Variants in STK38 observed in about 807,000 individuals in gnomAD.
STK38 encodes the protein serine/threonine-protein kinase 38.
Under a neutral mutation model 59.0 loss-of-function variants are expected in STK38, and 26 were observed. The observed-to-expected ratio is 0.44, with a 90% confidence interval of 0.32 to 0.61. The LOEUF (loss-of-function observed/expected upper bound fraction) is 0.61, where lower values mean the gene tolerates loss of function less well. Among genes scored for constraint, STK38 ranks in the 20% least tolerant of loss-of-function variants. The pLI is 0.04. For synonymous variants in STK38, 175 were observed against 176.6 expected (o/e 0.99, Z 0.07); for missense variants, 433 against 566.0 (o/e 0.76, Z 2.38).
chr6:36,534,168 T>G (rs114530128), intron 2 of STK38, among the ~76,000 whole-genome samples: 5,293 of 152,024 alleles, frequency 0.035, 115 homozygotes, highest in African/African-American at 0.055. Context: ...AATCAGTCCA[T>G]GTAACTCACC....
At chr6:36,527,207 A>AAAAAAAAAAAAATATATAT (rs60162863) in intron 2 of STK38, among the ~76,000 whole-genome samples, 11 of 119,352 alleles carry the variant, frequency 9.2e-5, no homozygotes, top group African/African-American at 3.9e-4. Flanking sequence ...AAAAAAAAAA[A>AAAAAAAAAAAAATATATAT]ATATATGTAT....
At chr6:36,533,794 G>T (rs1156286746) in intron 2 of STK38, among the ~76,000 whole-genome samples, 1 of 152,130 alleles carries the variant, frequency 6.6e-6, no homozygotes, top group African/African-American at 2.4e-5. Context: ...ATGATTTCAA[G>T]AAGTGACTGT....
In STK38 at chr6:36,524,407, C is replaced by T. The variant is rs1322488179; in HGVS notation, c.240G>A (p.Lys80=). 3.1e-6 allele frequency: 5 copies of T among 1,613,318 alleles called. No homozygotes were observed. Among genetic ancestry groups the T allele is most frequent in the Non-Finnish European group, 4.2e-6 (5 of 1,179,808 alleles). The change falls in exon 4 of 14, where the codon AAG becomes AAA. Residue 80 remains lysine (K), a synonymous_variant. Transcript: ENST00000229812. ...AATCTTCCAATCCAAGTCTTGTTCT[C>T]TTCAAACGAAGAAACTCTGTTTCCT... is the stretch of plus-strand genomic sequence containing the variant. The part of the protein sequence containing the change: ...ARKETEFLRL[K]RTRLGLEDFE...
intron 9 of STK38, among the ~76,000 whole-genome samples, chr6:36,501,295 C>T (rs1384921548): frequency 6.6e-6 from 1 of 152,006 alleles, no homozygotes; most frequent in Admixed American, 6.6e-5. Flanking sequence ...CTCTAACATA[C>T]CAGGACTGCA....
At chr6:36,527,239 T>TATGTAA (rs1777546893) in intron 2 of STK38, among the ~76,000 whole-genome samples, 1 of 144,840 alleles carries the variant, frequency 6.9e-6, no homozygotes, top group African/African-American at 2.5e-5. Flanking sequence ...TTTATATGTA[T>TATGTAA]ATACACATGT....
chr6:36,526,225 T>G (rs1018260871), intron 2 of STK38, among the ~76,000 whole-genome samples: 1 of 88,290 alleles, frequency 1.1e-5, no homozygotes. Context: ...TGGGTGTTTT[T>G]TTTTTTTTTT....
chr6:36,509,009 A>C (rs1375683282), intron 7 of STK38, among the ~76,000 whole-genome samples: 2 of 151,994 alleles, frequency 1.3e-5, no homozygotes, highest in Non-Finnish European at 2.9e-5. Flanking sequence ...TGGCTCAGGA[A>C]GCCCCTAAGT....
At chr6:36,496,874 C>T (rs1003263327) in intron 12 of STK38, 69 bp from the exon 13 acceptor site, 1 of 1,195,152 alleles carries the variant, frequency 8.4e-7, no homozygotes, top group Non-Finnish European at 1.2e-6. Context: ...TCAAGTCTTT[C>T]TCCAAAAAAG....
intron 2 of STK38, among the ~76,000 whole-genome samples, chr6:36,534,117 G>A (rs1020919304): frequency 6.6e-6 from 1 of 151,922 alleles, no homozygotes; most frequent in African/African-American, 2.4e-5. Flanking sequence ...GTCATCAAGA[G>A]GGTTTTACCC....
chr6:36,498,330 T>C, intron 11 of STK38, 33 bp downstream of exon 11: 1 of 1,580,714 alleles, frequency 6.3e-7, no homozygotes. Flanking sequence ...ATTAAAAAGC[T>C]GAGAAAGAAG....
intron 10 of STK38, 46 bp from the exon 11 acceptor site, chr6:36,498,532 G>C (rs753102719): frequency 6.4e-7 from 1 of 1,571,330 alleles, no homozygotes; most frequent in Non-Finnish European, 8.6e-7. Context: ...CCAGAACTTT[G>C]AATCTGACCG....
At chr6:36,499,549 G>A (rs561288573) in intron 10 of STK38, among the ~76,000 whole-genome samples, 25 of 152,300 alleles carry the variant, frequency 1.6e-4, no homozygotes, top group African/African-American at 6.0e-4. Context: ...GGAAAGTGAG[G>A]CAATGCCCAG....
At chr6:36,498,856 G>T (rs1776770212) in intron 10 of STK38, among the ~76,000 whole-genome samples, 1 of 152,104 alleles carries the variant, frequency 6.6e-6, no homozygotes, top group Non-Finnish European at 1.5e-5. Flanking sequence ...CTCCCAAAGT[G>T]CTGGGATTAC....
chr6:36,524,463 T>C lies in STK38; in HGVS notation c.184A>G (p.Lys62Glu). 4 of 1,589,160 alleles carry C rather than the reference T, an allele frequency of 2.5e-6. No individual in the cohort carries two copies. Among genetic ancestry groups the C allele is most frequent in the Non-Finnish European group, 3.4e-6 (4 of 1,173,074 alleles). The part of the protein sequence containing the change: ...MEEEGLKDEE[K>E]RLRRSAHARK... ...GCATGTGCTGATCTCCGGAGTCGTTTCTAATATTTAAATAAAAAAGGGAGG... is the reference window on the plus strand; with the variant it reads ...GCATGTGCTGATCTCCGGAGTCGTTCCTAATATTTAAATAAAAAAGGGAGG... Residue 62 changes from lysine (K) to glutamate (E), a missense_variant and splice_region_variant, in exon 4 of 14, where the codon AAA becomes GAA. By Grantham distance (56) the Lys-to-Glu change is moderately conservative. This residue lies in a region of STK38 where 293 missense variants were observed against 388.2 expected (regional missense o/e 0.75). Transcript: ENST00000229812.
chr6:36,516,773 C>G (rs1777264982), intron 6 of STK38, among the ~76,000 whole-genome samples: 1 of 152,134 alleles, frequency 6.6e-6, no homozygotes, highest in Non-Finnish European at 1.5e-5. Flanking sequence ...AGAGCTCAGG[C>G]CAGATGCTCT....
At chr6:36,524,634 T>G (rs1777467307) in intron 3 of STK38, among the ~76,000 whole-genome samples, 171 bp from the exon 4 acceptor site, 1 of 152,188 alleles carries the variant, frequency 6.6e-6, no homozygotes, top group African/African-American at 2.4e-5. Flanking sequence ...CACTTCTCCC[T>G]TTCCTGGCAT....
At chr6:36,531,560 C>A (rs746683307) in intron 2 of STK38, among the ~76,000 whole-genome samples, 1 of 152,174 alleles carries the variant, frequency 6.6e-6, no homozygotes, top group African/African-American at 2.4e-5. Context: ...GAGAAGGTCA[C>A]AACCAAAGCT....
At chr6:36,506,423 T>C (rs2127470315) in intron 9 of STK38, among the ~76,000 whole-genome samples, 160 bp downstream of exon 9, 1 of 152,284 alleles carries the variant, frequency 6.6e-6, no homozygotes, top group Non-Finnish European at 1.5e-5. Flanking sequence ...TTCAAAAGAT[T>C]CCTTTCGGTC....
intron 5 of STK38, among the ~76,000 whole-genome samples, chr6:36,518,638 G>A (rs1481372566): frequency 6.6e-6 from 1 of 152,088 alleles, no homozygotes; most frequent in African/African-American, 2.4e-5. Flanking sequence ...GCTCACTGAA[G>A]CCTCAAACTC....
Sources: gnomAD v4.1 joint callset for allele counts (sites outside exome capture counted in the v4.1 genomes callset) on GRCh38, gnomAD v4.1.1 for gene constraint, gnomAD v4.1.1 regional missense constraint, MANE v1.5 for transcripts, NCBI Gene and HGNC (gene_info 2026-07-23, HGNC 2026-07-21) for gene names.